Variants in TSHZ2 observed in about 807,000 individuals in gnomAD.
TSHZ2 encodes teashirt zinc finger homeobox 2.
TSHZ2 carries 21 observed loss-of-function variants against 74.4 expected under a neutral mutation model. The observed-to-expected ratio is 0.28, with a 90% CI of 0.20 to 0.41. TSHZ2 has a LOEUF of 0.41. Ranked by LOEUF, TSHZ2 falls within the 10% of genes least tolerant of loss-of-function variation. The probability of loss-of-function intolerance (pLI) is 1.00; values close to 1 mark genes in which losing one functional copy is unlikely to be tolerated. For synonymous variants in TSHZ2, 540 were observed against 515.3 expected, an observed-to-expected ratio of 1.05 and a Z score of -0.65; for missense variants, 1,244 against 1,293.5, an observed-to-expected ratio of 0.96 and a Z score of 0.59.
At chr20:53,327,347 T>A (rs1179266120) in intron 2 of TSHZ2, among the ~76,000 whole-genome samples, 2 of 152,066 alleles carry the variant, frequency 1.3e-5, no homozygotes, top group African/African-American at 4.8e-5. Context: ...AAATGACAGA[T>A]GCGTGGTGGC....
chr20:53,184,758 G>C (rs1988561992), intron 1 of TSHZ2, among the ~76,000 whole-genome samples: 1 of 152,058 alleles, frequency 6.6e-6, no homozygotes, highest in Non-Finnish European at 1.5e-5. Flanking sequence ...GCCCAGGCTG[G>C]AGTGCAGTGG....
At chr20:53,148,891 G>A (rs1419999028) in intron 1 of TSHZ2, among the ~76,000 whole-genome samples, 1 of 152,028 alleles carries the variant, frequency 6.6e-6, no homozygotes, top group Non-Finnish European at 1.5e-5. Context: ...TTTTTTCAGA[G>A]GCTCCAGAAA....
At chr20:53,390,502 CA>C (rs1331620054) in intron 2 of TSHZ2, among the ~76,000 whole-genome samples, 3 of 152,198 alleles carry the variant, frequency 2.0e-5, no homozygotes, top group African/African-American at 7.2e-5. Context: ...ACTATTATTA[CA>C]ACAAACAATG....
chr20:53,018,354 C>T (rs1950889), intron 1 of TSHZ2, among the ~76,000 whole-genome samples: 2 of 151,980 alleles, frequency 1.3e-5, no homozygotes, highest in South Asian at 2.1e-4. Flanking sequence ...AACCATTACC[C>T]GTTTTCAGGG....
At chr20:53,108,605 G>T (rs1052521777) in intron 1 of TSHZ2, among the ~76,000 whole-genome samples, 1 of 151,692 alleles carries the variant, frequency 6.6e-6, no homozygotes, top group Non-Finnish European at 1.5e-5. Flanking sequence ...GTACCAAAAA[G>T]GGTTCCATAT....
chr20:53,018,558 T>C (rs1359820309), intron 1 of TSHZ2, among the ~76,000 whole-genome samples: 1 of 152,228 alleles, frequency 6.6e-6, no homozygotes, highest in Non-Finnish European at 1.5e-5. Flanking sequence ...GTAACTAGCA[T>C]TGAATGCCCC....
chr20:53,077,293 C>G (rs1395210324), intron 1 of TSHZ2, among the ~76,000 whole-genome samples: 1 of 151,754 alleles, frequency 6.6e-6, no homozygotes, highest in Non-Finnish European at 1.5e-5. Flanking sequence ...TGCGTGTAAT[C>G]CCAGCTACTT....
intron 1 of TSHZ2, among the ~76,000 whole-genome samples, chr20:53,015,540 G>A (rs1035759925): frequency 2.0e-5 from 3 of 152,168 alleles, no homozygotes; most frequent in Non-Finnish European, 4.4e-5. Flanking sequence ...CAATGAGGAT[G>A]GGGCCTCTTC....
intron 1 of TSHZ2, among the ~76,000 whole-genome samples, chr20:53,231,929 G>A (rs568630132): frequency 1.2e-4 from 19 of 152,124 alleles, no homozygotes; most frequent in Non-Finnish European, 2.8e-4. Flanking sequence ...CTGTTGCCCA[G>A]GCTGGAGTGC....
At chr20:52,985,798 G>C (rs1164030382) in intron 1 of TSHZ2, among the ~76,000 whole-genome samples, 2 of 152,196 alleles carry the variant, frequency 1.3e-5, no homozygotes, top group Non-Finnish European at 2.9e-5. Flanking sequence ...AAAGGTTAGA[G>C]AGCACTGACT....
intron 1 of TSHZ2, among the ~76,000 whole-genome samples, chr20:53,177,082 G>A (rs757569622): frequency 6.6e-6 from 1 of 151,924 alleles, no homozygotes; most frequent in Admixed American, 6.6e-5. Flanking sequence ...GGGAGTCTTA[G>A]TATGTTGTCC....
At chr20:53,342,103 C>T (rs1264648111) in intron 2 of TSHZ2, among the ~76,000 whole-genome samples, 4 of 152,172 alleles carry the variant, frequency 2.6e-5, no homozygotes, top group Non-Finnish European at 4.4e-5. Context: ...TAACACCTTA[C>T]GTTAGTACCG....
chr20:53,463,430 GGAA>G (rs370781775), intron 2 of TSHZ2, among the ~76,000 whole-genome samples: 5,183 of 121,386 alleles, frequency 0.043, 243 homozygotes, highest in South Asian at 0.096. Context: ...AAGGAAGGAA[GGAA>G]GGAGGGAGGG....
intron 2 of TSHZ2, among the ~76,000 whole-genome samples, chr20:53,280,576 C>T (rs1543080): frequency 6.6e-6 from 1 of 152,084 alleles, no homozygotes; most frequent in Admixed American, 6.5e-5. Context: ...AGAAGATCCA[C>T]TTGGTATGAA....
intron 2 of TSHZ2, among the ~76,000 whole-genome samples, chr20:53,425,751 A>G (rs1354128515): frequency 6.6e-6 from 1 of 152,126 alleles, no homozygotes; most frequent in Non-Finnish European, 1.5e-5. Context: ...TTATTTGTGA[A>G]CACTGAAATT....
intron 2 of TSHZ2, among the ~76,000 whole-genome samples, chr20:53,417,210 G>A (rs965768869): frequency 3.4e-5 from 5 of 149,240 alleles, no homozygotes; most frequent in Admixed American, 6.7e-5. Flanking sequence ...ACATCCCTGA[G>A]GATATCTATA....
intron 2 of TSHZ2, among the ~76,000 whole-genome samples, chr20:53,404,055 C>T (rs1214321319): frequency 6.6e-6 from 1 of 152,184 alleles, no homozygotes; most frequent in Non-Finnish European, 1.5e-5. Context: ...TAGAATATGA[C>T]CTGGCCCTGA....
At chr20:53,413,212 C>A (rs759216056) in intron 2 of TSHZ2, among the ~76,000 whole-genome samples, 1 of 152,182 alleles carries the variant, frequency 6.6e-6, no homozygotes, top group East Asian at 1.9e-4. Context: ...AAACCAACTC[C>A]CGCTGATCGG....
chr20:53,025,778 A>G (rs1795366139), intron 1 of TSHZ2, among the ~76,000 whole-genome samples: 1 of 152,240 alleles, frequency 6.6e-6, no homozygotes, highest in African/African-American at 2.4e-5. Flanking sequence ...CAGTGCACAC[A>G]GGCCCCCAAA....
Sources: allele counts gnomAD v4.1 joint callset (sites outside exome capture counted in the v4.1 genomes callset), GRCh38; gene constraint gnomAD v4.1.1; transcripts MANE v1.5; gene names NCBI Gene and HGNC (gene_info 2026-07-23, HGNC 2026-07-21).